TC2N: variants seen among roughly 807,000 people sequenced by gnomAD.
TC2N encodes the protein tandem C2 domains nuclear protein.
A neutral mutation model predicts 61.9 loss-of-function variants in TC2N; 51 were observed. The ratio of observed to expected loss-of-function variants is 0.82; its 90% CI spans 0.66 to 1.04. The LOEUF (loss-of-function observed/expected upper bound fraction) is 1.04, where lower values mean the gene tolerates loss of function less well. Among genes scored for constraint, TC2N ranks in the 50% least tolerant of loss-of-function variants. TC2N has a pLI of 0.00. For missense variants in TC2N, 556 were observed against 566.7 expected (o/e 0.98, Z 0.19); for synonymous variants, 204 against 192.6 (o/e 1.06, Z -0.49).
intron 8 of TC2N, among the ~76,000 whole-genome samples, chr14:91,795,835 C>T (rs1885869587): frequency 6.6e-6 from 1 of 152,064 alleles, no homozygotes; most frequent in Admixed American, 6.6e-5. Flanking sequence ...ACAGCCAGAA[C>T]TGTCTTTCTG....
In TC2N at chr14:91,792,362, C is replaced by A; in HGVS notation, c.1047+5G>T. 1 of 1,580,404 alleles carries A rather than the reference C, an allele frequency of 6.3e-7. No homozygotes were observed. The highest frequency in any genetic ancestry group is 8.6e-7 in the Non-Finnish European group (1 of 1,161,010). ...AAATACTCTTAACATACTATTATCG[C>A]TTACAGAAATTTTTGAAGGTGGTGT... On this transcript the variant is annotated splice_donor_5th_base_variant and intron_variant, in intron 9 of 11. Transcript: ENST00000435962.
intron 1 of TC2N, among the ~76,000 whole-genome samples, chr14:91,814,216 A>G (rs1475621044): frequency 6.6e-6 from 1 of 151,162 alleles, no homozygotes; most frequent in Non-Finnish European, 1.5e-5. Flanking sequence ...GAAATACAGA[A>G]AAACAAAGAA....
intron 1 of TC2N, among the ~76,000 whole-genome samples, chr14:91,865,544 T>C (rs1365504225): frequency 6.6e-6 from 1 of 152,076 alleles, no homozygotes; most frequent in African/African-American, 2.4e-5. Context: ...AATTCCAAAA[T>C]AATGAAGAGA....
chr14:91,795,098 G>A (rs77420265), intron 8 of TC2N, among the ~76,000 whole-genome samples: 2,618 of 152,262 alleles, frequency 0.017, 29 homozygotes, highest in Non-Finnish European at 0.025. Flanking sequence ...ACTAGAATTA[G>A]AAGTGGATCC....
intron 2 of TC2N, among the ~76,000 whole-genome samples, 156 bp downstream of exon 2, chr14:91,813,547 T>A (rs1326671225): frequency 1.3e-5 from 2 of 151,726 alleles, no homozygotes; most frequent in Non-Finnish European, 3.0e-5. Context: ...TCCCCTATGC[T>A]CCAGACTACT....
intron 1 of TC2N, among the ~76,000 whole-genome samples, chr14:91,860,114 A>C (rs951979014): frequency 1.3e-5 from 2 of 152,104 alleles, no homozygotes; most frequent in Non-Finnish European, 2.9e-5. Flanking sequence ...AACTGCAATT[A>C]TTTTTCTTAA....
chr14:91,812,014 T>A lies in TC2N; in HGVS notation c.301+298A>T, dbSNP rs143636585. 3.4e-4 allele frequency: 59 copies of A among 172,680 alleles called. No homozygotes were observed. In the East Asian group the frequency reaches 8.7e-3, roughly 26 times the overall value. The allele number at this position is 172,680 out of a possible 1,614,324, so 10.7% of individuals were successfully genotyped here. On this transcript the variant is annotated intron_variant, in intron 3 of 11. Coordinates refer to ENST00000435962, the MANE Select transcript of TC2N (RefSeq NM_001128596.3). ...CAATCATTCTTTTTTTTTTTCTGAA[T>A]ATTTTTGAGGTGCAGTTGGTTAAAT...
At chr14:91,801,049 CATAT>C (rs1361084632) in intron 4 of TC2N, among the ~76,000 whole-genome samples, 1 of 144,244 alleles carries the variant, frequency 6.9e-6, no homozygotes, top group Admixed American at 7.0e-5. Flanking sequence ...TACATATATA[CATAT>C]ATACACATAC....
chr14:91,844,301 C>G (rs1888222979), intron 1 of TC2N, among the ~76,000 whole-genome samples: 1 of 152,164 alleles, frequency 6.6e-6, no homozygotes, highest in Non-Finnish European at 1.5e-5. Flanking sequence ...TCTCATATTG[C>G]TTGCCTGATT....
intron 1 of TC2N, among the ~76,000 whole-genome samples, chr14:91,821,589 G>A (rs1887257471): frequency 1.3e-5 from 2 of 151,992 alleles, no homozygotes; most frequent in South Asian, 2.1e-4. Flanking sequence ...ACTTGGGTTA[G>A]GCAGTAATTT....
chr14:91,866,064 T>C (rs951363121), intron 1 of TC2N, among the ~76,000 whole-genome samples: 2 of 152,304 alleles, frequency 1.3e-5, no homozygotes, highest in East Asian at 1.9e-4. Context: ...CCAAAGTATG[T>C]GATCCTCTCA....
chr14:91,844,351 G>T (rs1703635843), intron 1 of TC2N, among the ~76,000 whole-genome samples: 1 of 152,164 alleles, frequency 6.6e-6, no homozygotes, highest in African/African-American at 2.4e-5. Flanking sequence ...AATAGGAAAC[G>T]GGGGAGGAAG....
intron 3 of TC2N, among the ~76,000 whole-genome samples, chr14:91,806,585 C>T (rs559783434): frequency 2.6e-5 from 4 of 152,148 alleles, no homozygotes; most frequent in South Asian, 2.1e-4. Flanking sequence ...TAGAGATTTC[C>T]GAAACTTTGA....
In TC2N at chr14:91,785,257, T is replaced by G. The variant is rs1414728185; in HGVS notation, c.1267A>C (p.Met423Leu). The change falls in exon 11 of 12, where the codon ATG becomes CTG. Residue 423 changes from methionine (M) to leucine (L), a missense_variant. Physicochemically the swap from Met to Leu is conservative, Grantham distance 15 (BLOSUM62 2). Transcript: ENST00000435962. ...TCACTCTGTATAAGTGGAAAAATCA[T>G]AGTCTCTCCCCACTTGACTCTTCCA... ...SNGRVKWGET[M>L]IFPLIQSEKE... 2 of 1,613,064 alleles carry G rather than the reference T, an allele frequency of 1.2e-6. No homozygotes were observed. Among genetic ancestry groups the G allele is most frequent in the Admixed American group, 3.3e-5 (2 of 59,978 alleles).
chr14:91,809,847 C>A (rs1038217458), intron 3 of TC2N, among the ~76,000 whole-genome samples: 1 of 152,118 alleles, frequency 6.6e-6, no homozygotes, highest in Non-Finnish European at 1.5e-5. Flanking sequence ...CAAGAGCTGC[C>A]ACCCAAGACA....
intron 1 of TC2N, among the ~76,000 whole-genome samples, chr14:91,839,915 C>A (rs1229369353): frequency 2.0e-5 from 3 of 152,228 alleles, no homozygotes; most frequent in African/African-American, 7.2e-5. Context: ...GGGCATGAAG[C>A]TAAACTGCTT....
intron 1 of TC2N, among the ~76,000 whole-genome samples, chr14:91,833,635 C>A (rs890429379): frequency 2.0e-5 from 3 of 152,128 alleles, no homozygotes; most frequent in African/African-American, 7.2e-5. Context: ...TTTCCCCTAC[C>A]CCCAAGTAAC....
chr14:91,824,216 T>G (rs1315634994), intron 1 of TC2N, among the ~76,000 whole-genome samples: 3 of 152,222 alleles, frequency 2.0e-5, no homozygotes, highest in African/African-American at 7.2e-5. Flanking sequence ...AACTCCTCCC[T>G]AGGCACCCCT....
intron 9 of TC2N, among the ~76,000 whole-genome samples, chr14:91,790,308 A>G (rs1345777442): frequency 2.0e-5 from 3 of 152,236 alleles, no homozygotes; most frequent in African/African-American, 7.2e-5. Flanking sequence ...TGTGCTGTTC[A>G]TGGTGAAACA....
Sources: allele counts gnomAD v4.1 joint callset (sites outside exome capture counted in the v4.1 genomes callset), GRCh38; gene constraint gnomAD v4.1.1; transcripts MANE v1.5; gene names NCBI Gene and HGNC (gene_info 2026-07-23, HGNC 2026-07-21).